SUPT16H: variants seen among roughly 807,000 people sequenced by gnomAD.
The protein encoded by SUPT16H is SPT16 homolog, facilitates chromatin remodeling subunit.
SUPT16H carries 24 observed loss-of-function variants against 136.2 expected under a neutral mutation model. That is an observed-to-expected ratio of 0.18 (90% CI 0.13 to 0.25). SUPT16H has a LOEUF of 0.25. Ranked by LOEUF, SUPT16H falls within the 10% of genes least tolerant of loss-of-function variation. The pLI is 1.00. For synonymous variants in SUPT16H, 415 were observed against 428.2 expected, an observed-to-expected ratio of 0.97 and a Z score of 0.38; for missense variants, 623 against 1,270.2, an observed-to-expected ratio of 0.49 and a Z score of 7.74.
At chr14:21,382,606 C>T (rs1370707420) in intron 1 of SUPT16H, among the ~76,000 whole-genome samples, 1 of 152,212 alleles carries the variant, frequency 6.6e-6, no homozygotes, top group East Asian at 1.9e-4. Flanking sequence ...ATTTTTAGTA[C>T]TTACTGATCA....
At position 21,357,796 on chromosome 14, in the gene SUPT16H, C is replaced by G. The variant is rs1052289889; in HGVS notation, c.2490+131G>C. 27 of 939,576 alleles carry G rather than the reference C, an allele frequency of 2.9e-5. No homozygotes were observed. The African/African-American group carries it at 4.3e-4, about 15-fold the overall frequency. 58.2% of individuals were successfully genotyped at this position (939,576 alleles called of 1,614,324 possible). ...TGCCCTAAAGAGACTTTAAAAGTAACATTTGTTCAATGAGTTTTAAGTCTA... is the reference window on the plus strand; with the variant it reads ...TGCCCTAAAGAGACTTTAAAAGTAAGATTTGTTCAATGAGTTTTAAGTCTA... On this transcript the variant is annotated intron_variant, in intron 21 of 25. Transcript: ENST00000216297.
chr14:21,369,591 A>C (rs1278858936), intron 5 of SUPT16H, 159 bp downstream of exon 5: 1 of 1,060,288 alleles, frequency 9.4e-7, no homozygotes, highest in African/African-American at 1.6e-5. Flanking sequence ...AACATAACGC[A>C]GGCTTACCAT....
intron 19 of SUPT16H, among the ~76,000 whole-genome samples, chr14:21,359,046 C>G (rs1000397548): frequency 1.3e-5 from 2 of 152,080 alleles, no homozygotes; most frequent in African/African-American, 4.8e-5. Context: ...ACCTCGTGAT[C>G]TGCCTGTGTT....
rs764632023 is a variant in SUPT16H at position 21,360,562 on chromosome 14, C to T, written c.2057-29G>A. On this transcript the variant is annotated intron_variant, in intron 17 of 25. Coordinates refer to ENST00000216297, the MANE Select transcript of SUPT16H (RefSeq NM_007192.4). Reference sequence around the variant, plus strand: ...GGGAAAAGAATGAAGAAATGTCAAGCAGTATAATTAAGTTAGGCCAAAAGG... The same window carrying T: ...GGGAAAAGAATGAAGAAATGTCAAGTAGTATAATTAAGTTAGGCCAAAAGG... 5.7e-5 allele frequency: 90 copies of T among 1,587,754 alleles called. No individual in the cohort carries two copies. In the South Asian group the frequency reaches 9.8e-4, roughly 17 times the overall value.
At chr14:21,369,437 A>G in intron 5 of SUPT16H, 82 bp from the exon 6 acceptor site, 1 of 1,544,956 alleles carries the variant, frequency 6.5e-7, no homozygotes, top group Non-Finnish European at 8.8e-7. Flanking sequence ...TTGAAGACAA[A>G]ATGTATCCTT....
rs553932038 is a variant in SUPT16H at position 21,369,511 on chromosome 14, T to C, written c.631-156A>G. ...TATTGGTATGCAGGCAAAACACATT[T>C]GGAGAACAATATGTAGGACTTACAG... On this transcript the variant is annotated intron_variant, in intron 5 of 25. Transcript: ENST00000216297. The C allele has an allele frequency of 3.8e-6, 4 of 1,046,036 alleles. No individual in the cohort carries two copies. In the African/African-American group the frequency reaches 6.4e-5, roughly 17 times the overall value. The allele number at this position is 1,046,036 out of a possible 1,614,324, so 64.8% of individuals were successfully genotyped here. A position where few individuals can be genotyped will look rare whatever the true frequency, so the allele number is the denominator to read the frequency against.
intron 1 of SUPT16H, among the ~76,000 whole-genome samples, chr14:21,380,943 T>C (rs991343785): frequency 2.0e-5 from 3 of 151,340 alleles, no homozygotes; most frequent in East Asian, 1.9e-4. Flanking sequence ...AAGGATCTAG[T>C]AGGCATAAGA....
At chr14:21,380,203 G>A (rs569106169) in intron 1 of SUPT16H, among the ~76,000 whole-genome samples, 37 of 151,484 alleles carry the variant, frequency 2.4e-4, no homozygotes, top group Non-Finnish European at 4.6e-4. Flanking sequence ...ATGCAAATAT[G>A]CCATTTTGTT....
intron 2 of SUPT16H, 39 bp from the exon 3 acceptor site, chr14:21,372,083 T>C (rs1183973359): frequency 3.8e-6 from 6 of 1,573,836 alleles, no homozygotes; most frequent in Middle Eastern, 1.9e-4. Flanking sequence ...TATTTACAGA[T>C]ACAAAAATTA....
intron 1 of SUPT16H, 38 bp downstream of exon 1, chr14:21,383,824 A>G (rs1313577305): frequency 1.9e-6 from 3 of 1,612,514 alleles, no homozygotes; most frequent in Non-Finnish European, 2.5e-6. Flanking sequence ...GGGATGGCTA[A>G]GGGGGCTCCC....
intron 1 of SUPT16H, chr14:21,383,449 G>T: frequency 1.9e-6 from 1 of 532,794 alleles, no homozygotes; most frequent in Non-Finnish European, 3.3e-6. Context: ...TCTCCTTTAC[G>T]AAGACGGTTA....
chr14:21,381,617 T>A (rs1225059781), intron 1 of SUPT16H, among the ~76,000 whole-genome samples: 2 of 151,900 alleles, frequency 1.3e-5, no homozygotes, highest in African/African-American at 4.8e-5. Context: ...TATTTTTTTT[T>A]TTTTTAATTT....
At chr14:21,356,931 C>T (rs774255988) in intron 22 of SUPT16H, among the ~76,000 whole-genome samples, 1 of 151,950 alleles carries the variant, frequency 6.6e-6, no homozygotes, top group Non-Finnish European at 1.5e-5. Flanking sequence ...AGTTTGAGAC[C>T]AGCCTGGGCA....
chr14:21,368,318 A>T lies in SUPT16H; in HGVS notation c.906T>A (p.Tyr302Ter). The T allele has an allele frequency of 6.2e-7, 1 of 1,614,150 alleles. No homozygotes were observed. The highest frequency in any genetic ancestry group is 8.5e-7 in the Non-Finnish European group (1 of 1,180,010). ...VDPSQEVQEN[Y>*]NFLLQLQEEL... ...CCTCTTGAAGCTGGAGCAAAAAGTT[A>T]TAATTTTCTTGAACTTCTTGAGAAG... Residue 302 changes from tyrosine to a stop codon, truncating the protein, a stop_gained, in exon 7 of 26, where the codon TAT becomes TAA. Transcript: ENST00000216297. LOFTEE classifies it high-confidence loss of function.
At chr14:21,361,410 G>T in intron 15 of SUPT16H, 197 bp from the exon 16 acceptor site, 1 of 627,134 alleles carries the variant, frequency 1.6e-6, no homozygotes, top group Non-Finnish European at 2.7e-6. Flanking sequence ...TTCGCCTCCT[G>T]GGTTCAAGCC....
chr14:21,358,961 C>T (rs1485296825), intron 19 of SUPT16H, among the ~76,000 whole-genome samples: 7 of 152,066 alleles, frequency 4.6e-5, no homozygotes, highest in African/African-American at 1.7e-4. Context: ...CCCGCCACTA[C>T]ACCCGGCTAA....
chr14:21,381,704 G>C (rs755331502), intron 1 of SUPT16H, among the ~76,000 whole-genome samples: 9 of 151,558 alleles, frequency 5.9e-5, no homozygotes, highest in Admixed American at 1.3e-4. Context: ...CAAACTCCTG[G>C]GCTCAAGGGA....
chr14:21,369,540 T>C (rs1566390118), intron 5 of SUPT16H, 185 bp from the exon 6 acceptor site: 5 of 947,414 alleles, frequency 5.3e-6, no homozygotes, highest in Non-Finnish European at 7.8e-6. Context: ...CTTACAGCTA[T>C]TCCTATGATT....
intron 2 of SUPT16H, chr14:21,372,264 T>G (rs1279837232): frequency 2.0e-6 from 1 of 499,464 alleles, no homozygotes; most frequent in Non-Finnish European, 3.5e-6. Context: ...TTATTTTCTC[T>G]ACGTTTATAT....
Sources: gnomAD v4.1 joint callset for allele counts (sites outside exome capture counted in the v4.1 genomes callset) on GRCh38, gnomAD v4.1.1 for gene constraint, MANE v1.5 for transcripts, NCBI Gene and HGNC (gene_info 2026-07-23, HGNC 2026-07-21) for gene names.